Variants in RIMS2 observed in about 807,000 individuals in gnomAD.
RIMS2 encodes regulating synaptic membrane exocytosis 2.
Under a neutral mutation model 174.4 loss-of-function variants are expected in RIMS2, and 59 were observed. That is an observed-to-expected ratio of 0.34 (90% CI 0.27 to 0.42). The LOEUF is 0.42. RIMS2 is among the 10% of genes least tolerant of loss of function. The probability of loss-of-function intolerance (pLI) is 1.00; values close to 1 mark genes in which losing one functional copy is unlikely to be tolerated. For synonymous variants in RIMS2, 606 were observed against 572.5 expected (o/e 1.06, Z -0.84); for missense variants, 1,620 against 1,666.3 (o/e 0.97, Z 0.48).
chr8:103,752,881 C>G (rs1265778807), intron 2 of RIMS2, among the ~76,000 whole-genome samples: 1 of 152,092 alleles, frequency 6.6e-6, no homozygotes, highest in African/African-American at 2.4e-5. Context: ...CATCTGCAAA[C>G]AGGGACAATT....
At chr8:103,866,387 A>T (rs1267680405) in intron 3 of RIMS2, among the ~76,000 whole-genome samples, 1 of 152,174 alleles carries the variant, frequency 6.6e-6, no homozygotes, top group African/African-American at 2.4e-5. Flanking sequence ...TGAGAATAAA[A>T]CAATTACTTG....
At chr8:103,986,232 C>T (rs909631468) in intron 16 of RIMS2, among the ~76,000 whole-genome samples, 20 of 151,592 alleles carry the variant, frequency 1.3e-4, no homozygotes, top group Admixed American at 4.6e-4. Flanking sequence ...AAATTTTTAA[C>T]GAAAATAGAG....
intron 1 of RIMS2, among the ~76,000 whole-genome samples, chr8:103,653,411 A>T (rs995128720): frequency 1.3e-5 from 2 of 152,182 alleles, no homozygotes; most frequent in Non-Finnish European, 2.9e-5. Flanking sequence ...GAGGTAGCTG[A>T]AGATGTGAGA....
intron 13 of RIMS2, among the ~76,000 whole-genome samples, chr8:103,937,497 T>G (rs1379189558): frequency 6.6e-6 from 1 of 152,236 alleles, no homozygotes; most frequent in Non-Finnish European, 1.5e-5. Context: ...GAGTGTTACT[T>G]ACTTCAAGGA....
At chr8:104,126,121 A>T (rs1251401169) in intron 19 of RIMS2, among the ~76,000 whole-genome samples, 1 of 152,164 alleles carries the variant, frequency 6.6e-6, no homozygotes, top group East Asian at 1.9e-4. Flanking sequence ...TCATGGAAGA[A>T]ACCGGTTTTA....
chr8:103,791,050 A>T (rs1188521267), intron 3 of RIMS2, among the ~76,000 whole-genome samples: 2 of 152,192 alleles, frequency 1.3e-5, no homozygotes, highest in African/African-American at 4.8e-5. Flanking sequence ...GCCAACATTC[A>T]AATTCAGGAA....
At chr8:103,668,391 A>G (rs1248646397) in intron 1 of RIMS2, among the ~76,000 whole-genome samples, 4 of 152,246 alleles carry the variant, frequency 2.6e-5, no homozygotes, top group Admixed American at 6.5e-5. Flanking sequence ...CTGTTATAGG[A>G]TTAACCTTCT....
chr8:103,778,816 A>C (rs2098349213), intron 3 of RIMS2, among the ~76,000 whole-genome samples: 1 of 152,052 alleles, frequency 6.6e-6, no homozygotes, highest in Admixed American at 6.6e-5. Flanking sequence ...TAGTTTTTTG[A>C]GGAACCGCCA....
intron 19 of RIMS2, among the ~76,000 whole-genome samples, chr8:104,072,221 A>G (rs2097208568): frequency 6.6e-6 from 1 of 152,222 alleles, no homozygotes; most frequent in South Asian, 2.1e-4. Context: ...TCTTCTTCAG[A>G]CATATATATA....
chr8:104,054,720 C>T (rs1489304826), intron 19 of RIMS2, among the ~76,000 whole-genome samples: 2 of 152,052 alleles, frequency 1.3e-5, no homozygotes, highest in African/African-American at 2.4e-5. Context: ...ATCACATTTG[C>T]AATTTATAAT....
chr8:103,976,960 G>C (rs1041702026), intron 16 of RIMS2: 1 of 152,106 alleles, frequency 6.6e-6, no homozygotes, highest in Non-Finnish European at 1.5e-5. Context: ...TAAGAATCAC[G>C]GAAATAATAG....
intron 3 of RIMS2, among the ~76,000 whole-genome samples, chr8:103,827,912 G>A (rs1215103839): frequency 6.7e-6 from 1 of 150,100 alleles, no homozygotes; most frequent in Non-Finnish European, 1.5e-5. Context: ...AAAAAAAAAA[G>A]GTGTGCATTT....
intron 1 of RIMS2, among the ~76,000 whole-genome samples, chr8:103,663,862 C>T (rs1037948877): frequency 2.0e-5 from 3 of 152,198 alleles, no homozygotes; most frequent in Non-Finnish European, 2.9e-5. Context: ...CTGGAGGCAT[C>T]ACACTACCTG....
At chr8:104,248,869 A>G (rs557944813) in intron 21 of RIMS2, 56 bp downstream of exon 27, 6 of 908,628 alleles carry the variant, frequency 6.6e-6, no homozygotes, top group Non-Finnish European at 9.1e-6. Context: ...TGAAAATGAA[A>G]TTCTCTAAAT....
intron 19 of RIMS2, among the ~76,000 whole-genome samples, chr8:104,017,122 A>C (rs1338040136): frequency 3.4e-5 from 5 of 149,010 alleles, no homozygotes; most frequent in Non-Finnish European, 1.5e-5. Context: ...ACTTCAGTAG[A>C]TTATGCAATT....
At chr8:103,830,190 G>A (rs1057162276) in intron 3 of RIMS2, among the ~76,000 whole-genome samples, 1 of 151,466 alleles carries the variant, frequency 6.6e-6, no homozygotes. Flanking sequence ...TTTTGATTTT[G>A]TTACTTTTCT....
rs376992813 is a variant in RIMS2, at chr8:104,140,972, T to A, written c.3335-103944T>A. 3.3e-5 allele frequency among the ~76,000 whole-genome samples: 5 copies of A among 152,304 alleles called. No individual in the cohort carries two copies. In the South Asian group the frequency reaches 8.3e-4, roughly 25 times the overall value. On this transcript the variant is annotated intron_variant, in intron 19 of 23. Transcript: ENST00000504942. Reference sequence around the variant, plus strand: ...TGTTATAATGAAGACATTTTAAAAATCATAATTTTTGGGTACATTTTTATC... The same window carrying A: ...TGTTATAATGAAGACATTTTAAAAAACATAATTTTTGGGTACATTTTTATC...
chr8:103,533,567 C>T (rs1341094392), intron 1 of RIMS2, among the ~76,000 whole-genome samples: 1 of 144,820 alleles, frequency 6.9e-6, no homozygotes, highest in African/African-American at 2.6e-5. Flanking sequence ...GAGGCTGAGG[C>T]AGGAGAATTG....
At chr8:103,839,544 G>C (rs766541694) in intron 3 of RIMS2, among the ~76,000 whole-genome samples, 1 of 152,082 alleles carries the variant, frequency 6.6e-6, no homozygotes, top group Non-Finnish European at 1.5e-5. Flanking sequence ...TGAATGCCCT[G>C]GGATTTTTCA....
Sources: gnomAD v4.1 joint callset for allele counts (sites outside exome capture counted in the v4.1 genomes callset) on GRCh38, gnomAD v4.1.1 for gene constraint, MANE v1.5 for transcripts, NCBI Gene and HGNC (gene_info 2026-07-23, HGNC 2026-07-21) for gene names.